ARL15: variants seen among roughly 807,000 people sequenced by gnomAD.
The protein encoded by ARL15 is ADP-ribosylation factor-like protein 15.
In ARL15, 19 loss-of-function variants were observed where a neutral mutation model predicts 25.2. The ratio of observed to expected loss-of-function variants is 0.75; its 90% CI spans 0.53 to 1.10. The LOEUF (loss-of-function observed/expected upper bound fraction) is 1.10. Among genes scored for constraint, ARL15 ranks in the 50% least tolerant of loss-of-function variants. The probability of loss-of-function intolerance (pLI) is 0.00; values close to 1 mark genes in which losing one functional copy is unlikely to be tolerated. For synonymous variants in ARL15, 94 were observed against 86.8 expected, an observed-to-expected ratio of 1.08 and a Z score of -0.46; for missense variants, 220 against 246.0, an observed-to-expected ratio of 0.89 and a Z score of 0.71.
chr5:54,122,433 G>A (rs776800994), intron 3 of ARL15, among the ~76,000 whole-genome samples: 10 of 152,358 alleles, frequency 6.6e-5, no homozygotes, highest in South Asian at 2.1e-4. Context: ...ACGTGCATGC[G>A]TGCGCAATGT....
At chr5:53,995,467 T>C (rs971674092) in intron 4 of ARL15, among the ~76,000 whole-genome samples, 7 of 152,106 alleles carry the variant, frequency 4.6e-5, no homozygotes, top group African/African-American at 1.4e-4. Flanking sequence ...AAAACAGAAA[T>C]ATGTTTTAAA....
intron 1 of ARL15, among the ~76,000 whole-genome samples, chr5:54,242,168 C>T (rs939578495): frequency 6.6e-6 from 1 of 151,904 alleles, no homozygotes; most frequent in African/African-American, 2.4e-5. Context: ...CGTACACACA[C>T]GCACACACAC....
chr5:54,303,704 G>A (rs1291688666), intron 1 of ARL15, among the ~76,000 whole-genome samples: 1 of 140,948 alleles, frequency 7.1e-6, no homozygotes, highest in Non-Finnish European at 1.5e-5. Flanking sequence ...AAAGAAGAAA[G>A]AGGAGGAGAG....
intron 3 of ARL15, among the ~76,000 whole-genome samples, chr5:54,148,527 G>C (rs1260773860): frequency 2.0e-5 from 3 of 152,106 alleles, no homozygotes; most frequent in Admixed American, 6.6e-5. Flanking sequence ...TTTATAGGAA[G>C]AAAAAAATTA....
At chr5:54,003,067 T>C (rs1748899038) in intron 4 of ARL15, among the ~76,000 whole-genome samples, 1 of 152,208 alleles carries the variant, frequency 6.6e-6, no homozygotes, top group Admixed American at 6.5e-5. Flanking sequence ...GTAAACACTC[T>C]GGGCTGTACC....
At chr5:54,072,579 T>C (rs1182183151) in intron 4 of ARL15, among the ~76,000 whole-genome samples, 2 of 152,198 alleles carry the variant, frequency 1.3e-5, no homozygotes, top group Non-Finnish European at 2.9e-5. Flanking sequence ...TTTCCTATCA[T>C]ACATACATTC....
chr5:54,155,915 C>T (rs1171216216), intron 2 of ARL15, among the ~76,000 whole-genome samples: 1 of 152,064 alleles, frequency 6.6e-6, no homozygotes, highest in Non-Finnish European at 1.5e-5. Flanking sequence ...TCAATAGTTT[C>T]TGAGCAACCA....
chr5:54,183,896 T>C (rs1579884872), intron 1 of ARL15, among the ~76,000 whole-genome samples: 2 of 150,018 alleles, frequency 1.3e-5, no homozygotes, highest in African/African-American at 2.5e-5. Flanking sequence ...ATGGCACATA[T>C]ACACCATGGA....
chr5:53,963,429 CTTTA>C, intron 4 of ARL15, among the ~76,000 whole-genome samples: 1 of 152,198 alleles, frequency 6.6e-6, no homozygotes, highest in Non-Finnish European at 1.5e-5. Context: ...CAAGTTTCAG[CTTTA>C]TTTCTTCACC....
At chr5:54,070,753 G>C (rs529654955) in intron 4 of ARL15, among the ~76,000 whole-genome samples, 1 of 151,534 alleles carries the variant, frequency 6.6e-6, no homozygotes, top group African/African-American at 2.4e-5. Flanking sequence ...GCTGAGGTAC[G>C]AGAATCACAT....
chr5:54,306,055 C>G (rs1758746056), intron 1 of ARL15, among the ~76,000 whole-genome samples: 1 of 152,158 alleles, frequency 6.6e-6, no homozygotes, highest in Admixed American at 6.5e-5. Context: ...TTAACCTGTC[C>G]TGCCACAGGT....
intron 4 of ARL15, among the ~76,000 whole-genome samples, chr5:54,008,945 A>T (rs1049816514): frequency 2.6e-5 from 4 of 152,222 alleles, no homozygotes; most frequent in African/African-American, 9.6e-5. Context: ...ATTTTAATGT[A>T]AGATTACAGA....
chr5:54,245,904 G>A (rs965149111), intron 1 of ARL15, among the ~76,000 whole-genome samples: 1 of 152,128 alleles, frequency 6.6e-6, no homozygotes, highest in Non-Finnish European at 1.5e-5. Flanking sequence ...GTGGACTTCT[G>A]AAGTCCATCA....
chr5:54,139,415 GAC>G (rs1421702175), intron 3 of ARL15, among the ~76,000 whole-genome samples: 2 of 152,112 alleles, frequency 1.3e-5, no homozygotes, highest in Admixed American at 6.6e-5. Flanking sequence ...ACTCAGAAAA[GAC>G]AAACCAAATA....
intron 4 of ARL15, among the ~76,000 whole-genome samples, chr5:54,013,399 T>A (rs914830557): frequency 1.3e-5 from 2 of 152,170 alleles, no homozygotes; most frequent in Non-Finnish European, 2.9e-5. Flanking sequence ...AAGCTAACCA[T>A]TGGAGAGATT....
chr5:54,281,856 T>A (rs1377449871), intron 1 of ARL15, among the ~76,000 whole-genome samples: 1 of 152,242 alleles, frequency 6.6e-6, no homozygotes, highest in African/African-American at 2.4e-5. Context: ...GTGAGATACA[T>A]CCACGGTGTA....
At chr5:53,965,499 T>TG (rs376698555) in intron 4 of ARL15, among the ~76,000 whole-genome samples, 1 of 151,798 alleles carries the variant, frequency 6.6e-6, no homozygotes, top group Non-Finnish European at 1.5e-5. Flanking sequence ...AATCCTGAGG[T>TG]GGGGGGGACT....
chr5:54,257,669 A>C (rs1757401662), intron 1 of ARL15, among the ~76,000 whole-genome samples: 1 of 152,218 alleles, frequency 6.6e-6, no homozygotes, highest in Non-Finnish European at 1.5e-5. Context: ...ATTAAAAACA[A>C]ATGCAAAAAC....
intron 3 of ARL15, among the ~76,000 whole-genome samples, chr5:54,148,855 A>T (rs940611555): frequency 6.6e-6 from 1 of 152,242 alleles, no homozygotes; most frequent in Non-Finnish European, 1.5e-5. Context: ...AATAAATAAT[A>T]ACACACCAAA....
Sources: gnomAD v4.1 joint callset for allele counts (sites outside exome capture counted in the v4.1 genomes callset) on GRCh38, gnomAD v4.1.1 for gene constraint, MANE v1.5 for transcripts, NCBI Gene and HGNC (gene_info 2026-07-23, HGNC 2026-07-21) for gene names.